NFATC2IP: variants seen among roughly 807,000 people sequenced by gnomAD.
NFATC2IP encodes nuclear factor of activated T cells 2 interacting protein.
In NFATC2IP, 25 loss-of-function variants were observed where a neutral mutation model predicts 40.2. The ratio of observed to expected loss-of-function variants is 0.62; its 90% confidence interval spans 0.45 to 0.87. The LOEUF (loss-of-function observed/expected upper bound fraction) is 0.87, where lower values mean the gene tolerates loss of function less well. NFATC2IP is among the 40% of genes least tolerant of loss of function. The pLI is 0.00. For synonymous variants in NFATC2IP, 241 were observed against 236.3 expected, an observed-to-expected ratio of 1.02 and a Z score of -0.18; for missense variants, 553 against 555.6, an observed-to-expected ratio of 1.00 and a Z score of 0.05.
Position 28,954,576 on chromosome 16 carries a change from G to C in NFATC2IP, c.472G>C (p.Ala158Pro), listed in dbSNP as rs1042446931. 1.2e-6 allele frequency: 2 copies of C among 1,612,496 alleles called. No individual in the cohort carries two copies. The highest frequency in any genetic ancestry group is 2.7e-5 in the African/African-American group (2 of 74,994). ...PPGDEEEAEL[A>P]DSSGLYHEGS... ...TCCTCTGCCCCCAGAGGCAGAGCTG[G>C]CAGATTCGAGTGGTCTCTACCATGA... Residue 158 changes from alanine (A) to proline (P), a missense_variant, in exon 3 of 8, where the codon GCA becomes CCA. By Grantham distance (27) the Ala-to-Pro change is conservative. Transcript: ENST00000320805.
intron 4 of NFATC2IP, 38 bp from the exon 5 acceptor site, chr16:28,956,113 C>T (rs1965018663): frequency 6.2e-7 from 1 of 1,613,020 alleles, no homozygotes; most frequent in Middle Eastern, 1.7e-4. Flanking sequence ...GGGAGGGTGG[C>T]TGACTCCAGT....
intron 2 of NFATC2IP, chr16:28,952,405 A>C: frequency 1.3e-6 from 1 of 775,752 alleles, no homozygotes; most frequent in Non-Finnish European, 2.0e-6. Flanking sequence ...GTGCCACCTG[A>C]AGAGATGCTG....
Position 28,956,288 on chromosome 16 carries a change from C to T in NFATC2IP, c.797C>T (p.Pro266Leu). Reference sequence around the variant, plus strand: ...CTCCCAGAGACCCCCCGACTCTTCCCACTCAAAATCCGTTGCCGGGCTGAC... The same window carrying T: ...CTCCCAGAGACCCCCCGACTCTTCCTACTCAAAATCCGTTGCCGGGCTGAC... ...PTLPETPRLF[P>L]LKIRCRADLV... The change falls in exon 5 of 8, where the codon CCA (proline) becomes CTA (leucine). Residue 266 changes from proline to leucine, a missense_variant. Pro to Leu is a moderately conservative substitution (Grantham distance 98). Coordinates refer to ENST00000320805, the MANE Select transcript of NFATC2IP (RefSeq NM_032815.4). 1 of 1,614,122 alleles carries T rather than the reference C, an allele frequency of 6.2e-7. No homozygotes were observed. Among genetic ancestry groups the T allele is most frequent in the Non-Finnish European group, 8.5e-7 (1 of 1,180,012 alleles).
intron 3 of NFATC2IP, among the ~76,000 whole-genome samples, chr16:28,954,885 C>T (rs1184462191): frequency 6.6e-6 from 1 of 152,108 alleles, no homozygotes; most frequent in Non-Finnish European, 1.5e-5. Context: ...CAGGATCACC[C>T]TTGGGAGTGG....
chr16:28,960,947 C>G (rs1222708450), intron 7 of NFATC2IP, among the ~76,000 whole-genome samples: 1 of 152,144 alleles, frequency 6.6e-6, no homozygotes, highest in Non-Finnish European at 1.5e-5. Context: ...CTTTGTGAGC[C>G]TGCAGGGACA....
chr16:28,957,202 T>C (rs939708345), intron 5 of NFATC2IP: 6 of 151,878 alleles, frequency 4.0e-5, no homozygotes, highest in African/African-American at 1.4e-4. Flanking sequence ...CCCGACTAAT[T>C]TATGTATTTT....
chr16:28,962,964 A>G (rs1464892273), intron 7 of NFATC2IP, among the ~76,000 whole-genome samples: 2 of 152,212 alleles, frequency 1.3e-5, no homozygotes, highest in African/African-American at 2.4e-5. Flanking sequence ...TGGGTGGCTT[A>G]TCTGAACTCA....
In NFATC2IP at chr16:28,956,346, C is replaced by T; in HGVS notation, c.846+9C>T. 3.7e-6 allele frequency: 6 copies of T among 1,611,058 alleles called. No homozygotes were observed. Among genetic ancestry groups the T allele is most frequent in the Non-Finnish European group, 5.1e-6 (6 of 1,177,954 alleles). ...GATTGCCCCTCAGGATGGTGAGTGC[C>T]TGAGGCCCATGGGAGAAGGACCCAG... On this transcript the variant is annotated intron_variant, in intron 5 of 7. Transcript: ENST00000320805.
At chr16:28,956,373 A>G (rs1596728823) in intron 5 of NFATC2IP, 36 bp downstream of exon 5, 1 of 1,558,976 alleles carries the variant, frequency 6.4e-7, no homozygotes, top group African/African-American at 1.4e-5. Flanking sequence ...AGGACCCAGG[A>G]GCTGCTTCTG....
chr16:28,960,896 C>T (rs1296780099), intron 7 of NFATC2IP, among the ~76,000 whole-genome samples: 3 of 152,150 alleles, frequency 2.0e-5, no homozygotes, highest in African/African-American at 7.2e-5. Context: ...ACAATATATG[C>T]ATCCTGTTAA....
intron 7 of NFATC2IP, among the ~76,000 whole-genome samples, chr16:28,961,257 G>T (rs1357948165): frequency 7.0e-6 from 1 of 142,106 alleles, no homozygotes. Flanking sequence ...GTGCCTAGGA[G>T]ATTGAGGCTG....
chr16:28,954,673 CAG>C lies in NFATC2IP; in HGVS notation c.572_573del (p.Glu191ValfsTer30), dbSNP rs762158831. The C allele has an allele frequency of 1.6e-5, 25 of 1,610,772 alleles. No individual in the cohort carries two copies. The highest frequency in any genetic ancestry group is 2.0e-5 in the Non-Finnish European group (23 of 1,177,380). ...AAGGATAAAGAAGAGAAGAAAAAGA[CAG>C]AGTTTCTGTGAGTGAGGCCAGGGCC... On this transcript the variant is annotated frameshift_variant, in exon 3 of 8. Transcript: ENST00000320805. LOFTEE classifies it high-confidence loss of function.
At position 28,963,743 on chromosome 16, in the gene NFATC2IP, G is replaced by T; in HGVS notation, c.1140G>T (p.Glu380Asp). Residue 380 changes from glutamate to aspartate, a missense_variant, in exon 8 of 8, where the codon GAG becomes GAT. Glu to Asp is a conservative substitution (Grantham distance 45). Transcript: ENST00000320805. Reference protein sequence around the residue: ...PLKTLMSHYEEAMGLSGRKLS... With the variant: ...PLKTLMSHYEDAMGLSGRKLS... Reference sequence around the variant, plus strand: ...AGACCCTCATGTCCCACTATGAGGAGGCCATGGGACTGTCGGGACGGAAGC... The same window carrying T: ...AGACCCTCATGTCCCACTATGAGGATGCCATGGGACTGTCGGGACGGAAGC... The T allele has an allele frequency of 6.2e-7, 1 of 1,613,964 alleles. No homozygotes were observed. Among genetic ancestry groups the T allele is most frequent in the South Asian group, 1.1e-5 (1 of 91,078 alleles).
chr16:28,957,644 T>TA (rs77740750), intron 5 of NFATC2IP: 1,520 of 139,846 alleles, frequency 0.011, 9 homozygotes, highest in Middle Eastern at 0.025. Flanking sequence ...CCTTGTCTCT[T>TA]AAAAAAAAAA....
In NFATC2IP at chr16:28,965,185, C is replaced by A. The variant is rs1965131762; in HGVS notation, c.*1322C>A. The stretch of plus-strand genomic sequence containing the variant: ...AATTTGGGGAATTTTTTCACTTAGC[C>A]TTTCTGGTTTCCCTTCCTGTGCATT... On this transcript the variant is annotated 3_prime_UTR_variant, in exon 8 of 8. Coordinates refer to ENST00000320805, the MANE Select transcript of NFATC2IP (RefSeq NM_032815.4). 1 of 152,116 alleles carries A rather than the reference C, an allele frequency of 6.6e-6. No individual in the cohort carries two copies. Among genetic ancestry groups the A allele is most frequent in the Non-Finnish European group, 1.5e-5 (1 of 68,034 alleles). 9.4% of individuals were successfully genotyped at this position (152,116 alleles called of 1,614,324 possible).
At position 28,966,595 on chromosome 16, in the gene NFATC2IP, A is replaced by T. The variant is rs1965150377; in HGVS notation, c.*2732A>T. On this transcript the variant is annotated 3_prime_UTR_variant, in exon 8 of 8. Coordinates refer to ENST00000320805, the MANE Select transcript of NFATC2IP (RefSeq NM_032815.4). ...TGTCTCTACTGAAAATACAAAAAAA[A>T]AAAAAAAAAAAAATGAGCTAGGTGT... is the stretch of plus-strand genomic sequence containing the variant. 1 of 149,152 alleles carries T rather than the reference A, an allele frequency of 6.7e-6. No individual in the cohort carries two copies. The highest frequency in any genetic ancestry group is 6.7e-5 in the Admixed American group (1 of 14,974). 9.2% of individuals were successfully genotyped at this position (149,152 alleles called of 1,614,324 possible).
In NFATC2IP at chr16:28,951,225, G is replaced by A; in HGVS notation, c.214G>A (p.Glu72Lys). 6.6e-7 allele frequency: 1 copy of A among 1,526,598 alleles called. No individual in the cohort carries two copies. Among genetic ancestry groups the A allele is most frequent in the Non-Finnish European group, 8.8e-7 (1 of 1,133,204 alleles). The allele number at this position is 1,526,598 out of a possible 1,614,324, so 94.6% of individuals were successfully genotyped here. A position where few individuals can be genotyped will look rare whatever the true frequency, so the allele number is the denominator to read the frequency against. The change falls in exon 1 of 8, where the codon GAG (glutamate) becomes AAG (lysine). Residue 72 changes from glutamate to lysine, a missense_variant. Coordinates refer to ENST00000320805, the MANE Select transcript of NFATC2IP (RefSeq NM_032815.4). ...CGCTCGCGGTGCCGCGGACGAGGTT[G>A]AGGTGGAGCCCCCGGAGCCCCCGGG... ...ATARGAADEV[E>K]VEPPEPPGPV... is the part of the protein sequence containing the mutation.
intron 2 of NFATC2IP, among the ~76,000 whole-genome samples, chr16:28,953,024 C>G (rs1431240365): frequency 6.6e-6 from 1 of 152,052 alleles, no homozygotes; most frequent in South Asian, 2.1e-4. Context: ...GCGTGAGCCA[C>G]TGTGCCCGGC....
chr16:28,962,976 G>T (rs976857816), intron 7 of NFATC2IP, among the ~76,000 whole-genome samples: 3 of 152,214 alleles, frequency 2.0e-5, no homozygotes, highest in Non-Finnish European at 4.4e-5. Flanking sequence ...CTGAACTCAG[G>T]AAGTTTGAGA....
Sources: allele counts gnomAD v4.1 joint callset (sites outside exome capture counted in the v4.1 genomes callset), GRCh38; gene constraint gnomAD v4.1.1; transcripts MANE v1.5; gene names NCBI Gene and HGNC (gene_info 2026-07-23, HGNC 2026-07-21).